The following IGF2BP1 variants were observed in gnomAD, a reference collection of about 807,000 sequenced individuals.
IGF2BP1 encodes insulin-like growth factor 2 mRNA-binding protein 1.
A neutral mutation model predicts 74.9 loss-of-function variants in IGF2BP1; 11 were observed. The observed-to-expected ratio is 0.15, with a 90% CI of 0.09 to 0.24. The LOEUF (loss-of-function observed/expected upper bound fraction) is 0.24. IGF2BP1 is among the 10% of genes least tolerant of loss of function. The pLI is 1.00. For synonymous variants in IGF2BP1, 287 were observed against 281.8 expected, an observed-to-expected ratio of 1.02 and a Z score of -0.18; for missense variants, 440 against 757.4, an observed-to-expected ratio of 0.58 and a Z score of 4.92.
At chr17:49,018,382 C>G (rs2041735496) in intron 2 of IGF2BP1, among the ~76,000 whole-genome samples, 2 of 152,144 alleles carry the variant, frequency 1.3e-5, no homozygotes. Flanking sequence ...CCTGGGAACC[C>G]CAAACTGGCT....
Position 48,997,879 on chromosome 17 carries a change from C to A in IGF2BP1, c.134C>A (p.Pro45Gln). 6.2e-7 allele frequency: 1 copy of A among 1,614,084 alleles called. No homozygotes were observed. Among genetic ancestry groups the A allele is most frequent in the South Asian group, 1.1e-5 (1 of 91,060 alleles). Residue 45 changes from proline to glutamine, a missense_variant, in exon 1 of 15, where the codon CCG becomes CAG. Pro to Gln is a moderately conservative substitution (Grantham distance 76, BLOSUM62 -1). Around this residue, in one of 5 missense-constraint regions of IGF2BP1, gnomAD observed 105 missense variants for 199.4 expected, o/e 0.53. Transcript: ENST00000290341. This position sits in a 1 kb window ranked among gnomAD's most constrained non-coding sequence, Gnocchi z 4.8. ...TCCGGCTACGCCTTCGTGGACTGCC[C>A]GGACGAGCACTGGGCGATGAAGGCC... ...VKSGYAFVDC[P>Q]DEHWAMKAIE...
chr17:48,997,824 A>G lies in IGF2BP1; in HGVS notation c.79A>G (p.Ile27Val). The G allele has an allele frequency of 1.2e-6, 2 of 1,614,056 alleles. No homozygotes were observed. The highest frequency in any genetic ancestry group is 2.2e-5 in the East Asian group (1 of 44,846). Residue 27 changes from isoleucine to valine, a missense_variant, in exon 1 of 15, where the codon ATC (isoleucine) becomes GTC (valine). This residue lies in a region of IGF2BP1 where 105 missense variants were observed against 199.4 expected (regional missense o/e 0.53). Coordinates refer to ENST00000290341, the MANE Select transcript of IGF2BP1 (RefSeq NM_006546.4). The surrounding 1 kb of genome is among the most constrained non-coding windows in gnomAD (Gnocchi z 4.8). Reference protein sequence around the residue: ...DLEKVFAEHKISYSGQFLVKS... With the variant: ...DLEKVFAEHKVSYSGQFLVKS... ...GGAGAAAGTGTTTGCGGAGCACAAG[A>G]TCTCCTACAGCGGCCAGTTCTTGGT...
Position 49,048,317 on chromosome 17 carries a change from A to G in IGF2BP1, c.1642-1035A>G, listed in dbSNP as rs192486127. On this transcript the variant is annotated intron_variant, in intron 14 of 14. Coordinates refer to ENST00000290341, the MANE Select transcript of IGF2BP1 (RefSeq NM_006546.4). Reference sequence around the variant, plus strand: ...GTCCAGGGTGGAGTGCAGTGGCACAATCTTAGTTCACTGCAACTTCCGCCT... The same window carrying G: ...GTCCAGGGTGGAGTGCAGTGGCACAGTCTTAGTTCACTGCAACTTCCGCCT... Among the ~76,000 whole-genome samples the G allele has an allele frequency of 6.0e-4, 90 of 151,214 alleles. 2 individuals carry two copies. In the East Asian group the frequency reaches 0.018, roughly 30 times the overall value.
intron 5 of IGF2BP1, among the ~76,000 whole-genome samples, chr17:49,036,108 CTGGAAGCGACCG>C (rs1456837746): frequency 2.6e-4 from 38 of 147,000 alleles, no homozygotes; most frequent in African/African-American, 9.6e-4. Context: ...CCGGGGTTGA[CTGGAAGCGACCG>C]GCATAGCGCT....
Position 49,041,340 on chromosome 17 carries a change from G to A in IGF2BP1, c.819-38G>A, listed in dbSNP as rs1598156436. 14 of 1,611,194 alleles carry A rather than the reference G, an allele frequency of 8.7e-6. No individual in the cohort carries two copies. The East Asian group carries it at 3.1e-4, about 36-fold the overall frequency. On this transcript the variant is annotated intron_variant, in intron 7 of 14. Transcript: ENST00000290341. ...GTCTTCATGAAGCCCACAATTGAAG[G>A]AACTCTTGTCTTCCACTTCTTCCTT... is the stretch of plus-strand genomic sequence containing the variant.
chr17:49,010,699 G>A (rs1326323476), intron 2 of IGF2BP1, among the ~76,000 whole-genome samples: 1 of 152,110 alleles, frequency 6.6e-6, no homozygotes, highest in Non-Finnish European at 1.5e-5. Context: ...AGGTGGGGAA[G>A]TGAGACATAG....
chr17:49,030,292 C>T (rs2041907781), intron 4 of IGF2BP1, among the ~76,000 whole-genome samples: 1 of 152,080 alleles, frequency 6.6e-6, no homozygotes, highest in African/African-American at 2.4e-5. Flanking sequence ...CAGGCATGCA[C>T]CACCACACTT....
intron 2 of IGF2BP1, among the ~76,000 whole-genome samples, chr17:49,004,286 A>ACGAGAGGGTTCCCCCTCAC (rs570752414): frequency 0.07 from 9,978 of 143,476 alleles, 454 homozygotes; most frequent in Non-Finnish European, 0.099. Flanking sequence ...CAGATACCCC[A>ACGAGAGGGTTCCCCCTCAC]CGAGAGGGTT....
Position 49,049,475 on chromosome 17 carries a change from A to G in IGF2BP1, c.*31A>G. ...CCCTCCCTGTCCCTTCGAGTCCAGG[A>G]CAACAACGGGCAGAAATCGAGAGTG... On this transcript the variant is annotated 3_prime_UTR_variant, in exon 15 of 15. Transcript: ENST00000290341. 2 of 1,586,144 alleles carry G rather than the reference A, an allele frequency of 1.3e-6. No individual in the cohort carries two copies. Among genetic ancestry groups the G allele is most frequent in the Non-Finnish European group, 1.7e-6 (2 of 1,155,582 alleles).
chr17:48,998,552 C>G (rs1555593559), intron 1 of IGF2BP1, among the ~76,000 whole-genome samples: 3 of 152,118 alleles, frequency 2.0e-5, no homozygotes, highest in South Asian at 4.1e-4. Context: ...CCCGAGACGC[C>G]GAGGCTGGGC....
At chr17:49,035,929 C>T (rs1206658079) in intron 5 of IGF2BP1, among the ~76,000 whole-genome samples, 1 of 152,218 alleles carries the variant, frequency 6.6e-6, no homozygotes, top group Non-Finnish European at 1.5e-5. Flanking sequence ...GGGCCCGGGA[C>T]TGCACTAGGC....
chr17:49,035,535 G>A (rs2041976328), intron 5 of IGF2BP1, among the ~76,000 whole-genome samples: 1 of 152,204 alleles, frequency 6.6e-6, no homozygotes, highest in Non-Finnish European at 1.5e-5. Flanking sequence ...AGCGGTCTGG[G>A]GCAGTGGCCT....
intron 12 of IGF2BP1, 69 bp downstream of exon 12, chr17:49,045,134 G>GA: frequency 7.3e-7 from 1 of 1,364,362 alleles, no homozygotes; most frequent in South Asian, 1.2e-5. Flanking sequence ...CCTGAGGTAG[G>GA]AAAAAGGCTG....
At chr17:49,019,926 A>T (rs867545080) in intron 2 of IGF2BP1, among the ~76,000 whole-genome samples, 6 of 62,134 alleles carry the variant, frequency 9.7e-5, no homozygotes, top group African/African-American at 1.6e-4. Flanking sequence ...ATATATATAT[A>T]TATATATATA....
intron 2 of IGF2BP1, chr17:49,012,378 T>C (rs773288266): frequency 6.6e-6 from 1 of 152,218 alleles, no homozygotes; most frequent in Non-Finnish European, 1.5e-5. Context: ...GCCTGTCCTT[T>C]TGCAGATGTG....
At chr17:49,033,299 C>T (rs937975044) in intron 5 of IGF2BP1, among the ~76,000 whole-genome samples, 5 of 151,842 alleles carry the variant, frequency 3.3e-5, no homozygotes, top group African/African-American at 1.2e-4. Flanking sequence ...CAGGTGTACA[C>T]CACCATGCCC....
Position 48,997,753 on chromosome 17 carries a change from A to G in IGF2BP1, c.8A>G (p.Lys3Arg). The G allele has an allele frequency of 6.2e-7, 1 of 1,613,500 alleles. No individual in the cohort carries two copies. Among genetic ancestry groups the G allele is most frequent in the Non-Finnish European group, 8.5e-7 (1 of 1,179,700 alleles). MN[K>R]LYIGNLNESV... ...TGCCCCGAGACCGCCACCATGAACA[A>G]GCTTTACATCGGCAACCTCAACGAG... Residue 3 changes from lysine (K) to arginine (R), a missense_variant, in exon 1 of 15, where the codon AAG becomes AGG. Around this residue, in one of 5 missense-constraint regions of IGF2BP1, gnomAD observed 105 missense variants for 199.4 expected, o/e 0.53. Transcript: ENST00000290341. The surrounding 1 kb of genome is among the most constrained non-coding windows in gnomAD (Gnocchi z 4.8).
chr17:49,041,407 C>T lies in IGF2BP1; in HGVS notation c.848C>T (p.Ala283Val), dbSNP rs531902165. 1.2e-6 allele frequency: 2 copies of T among 1,613,990 alleles called. No homozygotes were observed. The highest frequency in any genetic ancestry group is 2.2e-5 in the East Asian group (1 of 44,874). ...TADEVPLKIL[A>V]HNNFVGRLIG... Reference sequence around the variant, plus strand: ...GACGAGGTTCCCCTGAAGATCCTGGCCCATAATAACTTTGTAGGGCGTCTC... The same window carrying T: ...GACGAGGTTCCCCTGAAGATCCTGGTCCATAATAACTTTGTAGGGCGTCTC... Residue 283 changes from alanine to valine, a missense_variant, in exon 8 of 15, where the codon GCC becomes GTC. Coordinates refer to ENST00000290341, the MANE Select transcript of IGF2BP1 (RefSeq NM_006546.4).
chr17:49,027,307 C>A (rs1468706527), intron 4 of IGF2BP1, among the ~76,000 whole-genome samples: 2 of 152,142 alleles, frequency 1.3e-5, no homozygotes, highest in African/African-American at 4.8e-5. Context: ...AGTCTAAGAA[C>A]AGAAATCTTG....
Sources: gnomAD v4.1 joint callset for allele counts (sites outside exome capture counted in the v4.1 genomes callset) on GRCh38, gnomAD v4.1.1 for gene constraint, gnomAD v4.1.1 regional missense constraint, Gnocchi (gnomAD v3.1) non-coding constraint, MANE v1.5 for transcripts, NCBI Gene and HGNC (gene_info 2026-07-23, HGNC 2026-07-21) for gene names.